Variants in CNTNAP2 observed in about 807,000 individuals in gnomAD.
CNTNAP2 encodes contactin-associated protein-like 2.
A neutral mutation model predicts 155.2 loss-of-function variants in CNTNAP2; 98 were observed. The observed-to-expected ratio is 0.63, with a 90% confidence interval of 0.54 to 0.75. The LOEUF (loss-of-function observed/expected upper bound fraction) is 0.75. Among genes scored for constraint, CNTNAP2 ranks in the 30% least tolerant of loss-of-function variants. The pLI is 0.00. For synonymous variants in CNTNAP2, 651 were observed against 631.2 expected, an observed-to-expected ratio of 1.03 and a Z score of -0.47; for missense variants, 1,727 against 1,688.1, an observed-to-expected ratio of 1.02 and a Z score of -0.40.
intron 3 of CNTNAP2, among the ~76,000 whole-genome samples, chr7:146,941,750 T>A (rs1797061597): frequency 6.6e-6 from 1 of 152,118 alleles, no homozygotes; most frequent in Admixed American, 6.5e-5. Context: ...AAGAACAGTT[T>A]TCCTGGGTAT....
chr7:146,125,055 A>G (rs771828885), intron 1 of CNTNAP2, among the ~76,000 whole-genome samples: 2 of 152,188 alleles, frequency 1.3e-5, no homozygotes, highest in African/African-American at 4.8e-5. Flanking sequence ...CCTCATCCCT[A>G]AAGAATATGT....
At chr7:146,551,786 C>A (rs1798126570) in intron 1 of CNTNAP2, among the ~76,000 whole-genome samples, 1 of 152,022 alleles carries the variant, frequency 6.6e-6, no homozygotes, top group South Asian at 2.1e-4. Flanking sequence ...AGCATATGAC[C>A]ATAAACAAAG....
intron 1 of CNTNAP2, among the ~76,000 whole-genome samples, chr7:146,330,825 T>C (rs531378448): frequency 1.3e-5 from 2 of 152,332 alleles, no homozygotes; most frequent in East Asian, 1.9e-4. Flanking sequence ...TGGCAGTATG[T>C]GCTAGTAATA....
At chr7:146,980,303 A>G (rs1436000165) in intron 3 of CNTNAP2, among the ~76,000 whole-genome samples, 1 of 152,174 alleles carries the variant, frequency 6.6e-6, no homozygotes, top group Non-Finnish European at 1.5e-5. Context: ...TGAAAAAGCT[A>G]ATACAGGTAA....
At chr7:148,361,825 C>G (rs1393840139) in intron 21 of CNTNAP2, among the ~76,000 whole-genome samples, 2 of 152,156 alleles carry the variant, frequency 1.3e-5, no homozygotes, top group African/African-American at 4.8e-5. Context: ...ACAATCATGG[C>G]AGAAGGCAAC....
At chr7:146,880,268 C>G (rs558836151) in intron 3 of CNTNAP2, among the ~76,000 whole-genome samples, 1 of 152,006 alleles carries the variant, frequency 6.6e-6, no homozygotes, top group East Asian at 1.9e-4. Flanking sequence ...TTGGAGCCTT[C>G]GTGATGGGAT....
chr7:147,727,991 C>T (rs1373048159), intron 13 of CNTNAP2, among the ~76,000 whole-genome samples: 1 of 151,918 alleles, frequency 6.6e-6, no homozygotes, highest in African/African-American at 2.4e-5. Flanking sequence ...TTTGGTGCAC[C>T]TAGTGGTACA....
intron 14 of CNTNAP2, among the ~76,000 whole-genome samples, chr7:147,950,322 A>G (rs1800902608): frequency 7.7e-6 from 1 of 130,670 alleles, no homozygotes; most frequent in Non-Finnish European, 1.5e-5. Flanking sequence ...TCCAGTGAGA[A>G]CTGGCTTTTC....
intron 8 of CNTNAP2, among the ~76,000 whole-genome samples, chr7:147,179,898 G>T (rs1335721798): frequency 6.6e-6 from 1 of 152,138 alleles, no homozygotes; most frequent in Non-Finnish European, 1.5e-5. Context: ...TTGAAATGAA[G>T]ATGCAAGATG....
At chr7:147,156,470 T>C (rs868465777) in intron 8 of CNTNAP2, among the ~76,000 whole-genome samples, 1 of 152,176 alleles carries the variant, frequency 6.6e-6, no homozygotes, top group Non-Finnish European at 1.5e-5. Flanking sequence ...AATTGTCAAA[T>C]ATATTACAAT....
chr7:146,350,231 A>T (rs1354070363), intron 1 of CNTNAP2, among the ~76,000 whole-genome samples: 2 of 152,014 alleles, frequency 1.3e-5, no homozygotes, highest in South Asian at 2.1e-4. Flanking sequence ...GTCTTCCATC[A>T]CTGATACCCT....
chr7:148,414,421 T>TTTCTACAAGTTCCACGTTGTCTCA (rs1358877899), intron 23 of CNTNAP2, among the ~76,000 whole-genome samples: 42 of 30,162 alleles, frequency 1.4e-3, no homozygotes, highest in African/African-American at 5.9e-3. Flanking sequence ...CGTTGTCTCA[T>TTTCTACAAGTTCCACGTTGTCTCA]TTTTTTTCCC....
intron 9 of CNTNAP2, among the ~76,000 whole-genome samples, chr7:147,303,555 A>G (rs533005758): frequency 3.9e-5 from 6 of 152,308 alleles, no homozygotes; most frequent in South Asian, 4.1e-4. Context: ...AAATAAACAC[A>G]TCTTAAGAAA....
chr7:147,958,884 A>G (rs1372092211), intron 14 of CNTNAP2, among the ~76,000 whole-genome samples: 1 of 152,128 alleles, frequency 6.6e-6, no homozygotes, highest in Non-Finnish European at 1.5e-5. Context: ...ATTGCTAAAT[A>G]CAGATTTTTT....
intron 16 of CNTNAP2, among the ~76,000 whole-genome samples, chr7:148,135,647 C>T (rs1229361916): frequency 1.3e-5 from 2 of 151,450 alleles, no homozygotes; most frequent in Non-Finnish European, 2.9e-5. Context: ...TCAGGAGCTC[C>T]AGAAAAACCT....
At chr7:147,317,157 T>G (rs959601582) in intron 9 of CNTNAP2, among the ~76,000 whole-genome samples, 1 of 152,246 alleles carries the variant, frequency 6.6e-6, no homozygotes, top group African/African-American at 2.4e-5. Context: ...TCACTGCCAC[T>G]GTGATAAACC....
chr7:147,967,105 C>T (rs1801228981), intron 14 of CNTNAP2, among the ~76,000 whole-genome samples: 1 of 152,132 alleles, frequency 6.6e-6, no homozygotes, highest in Non-Finnish European at 1.5e-5. Flanking sequence ...AAAGAGGCTA[C>T]ACATCAAGCA....
chr7:146,158,124 GT>G (rs1421955884), intron 1 of CNTNAP2, among the ~76,000 whole-genome samples: 1 of 152,234 alleles, frequency 6.6e-6, no homozygotes, highest in African/African-American at 2.4e-5. Context: ...AGGCAAACAG[GT>G]TGTGGAGTGG....
chr7:146,936,441 G>T (rs900908050), intron 3 of CNTNAP2, among the ~76,000 whole-genome samples: 3 of 152,162 alleles, frequency 2.0e-5, no homozygotes, highest in Non-Finnish European at 4.4e-5. Flanking sequence ...CTGTTTTCCA[G>T]TGGGTTTCAA....
Sources: gnomAD v4.1 joint callset for allele counts (sites outside exome capture counted in the v4.1 genomes callset) on GRCh38, gnomAD v4.1.1 for gene constraint, MANE v1.5 for transcripts, NCBI Gene and HGNC (gene_info 2026-07-23, HGNC 2026-07-21) for gene names.